LAMA3: variants seen among roughly 807,000 people sequenced by gnomAD.
The protein encoded by LAMA3 is laminin subunit alpha-3.
A neutral mutation model predicts 402.0 loss-of-function variants in LAMA3; 281 were observed. The observed-to-expected ratio is 0.70, with a 90% CI of 0.63 to 0.77. LAMA3 has a LOEUF of 0.77. Among genes scored for constraint, LAMA3 ranks in the 30% least tolerant of loss-of-function variants. The pLI, the probability that LAMA3 is intolerant of heterozygous loss-of-function variation, is 0.00. For missense variants in LAMA3, 3,840 were observed against 4,215.5 expected (o/e 0.91, Z 2.47); for synonymous variants, 1,431 against 1,558.4 (o/e 0.92, Z 1.93).
chr18:23,914,501 A>G lies in LAMA3; in HGVS notation c.7421A>G (p.Asp2474Gly). ...LGDREAELQVDQILTKSETKE... is the reference protein window; with the variant it reads ...LGDREAELQVGQILTKSETKE... ...GACCGTGAGGCTGAACTCCAAGTGG[A>G]CCAGATCTTGACCAAGAGTGAGACT... The change falls in exon 57 of 75, where the codon GAC becomes GGC. Residue 2474 changes from aspartate to glycine, a missense_variant. Asp to Gly is a moderately conservative substitution (Grantham distance 94, BLOSUM62 -1). This residue lies in a region of LAMA3 where 891 missense variants were observed against 857.5 expected (regional missense o/e 1.04). Transcript: ENST00000313654. 1 of 1,614,124 alleles carries G rather than the reference A, an allele frequency of 6.2e-7. No individual in the cohort carries two copies. Among genetic ancestry groups the G allele is most frequent in the South Asian group, 1.1e-5 (1 of 91,076 alleles).
intron 32 of LAMA3, among the ~76,000 whole-genome samples, chr18:23,856,231 G>A (rs547066544): frequency 6.6e-6 from 1 of 152,252 alleles, no homozygotes; most frequent in Admixed American, 6.5e-5. Flanking sequence ...GCAGATATTT[G>A]CCAAAGGGAA....
chr18:23,933,679 C>A, intron 66 of LAMA3, 103 bp from the exon 67 acceptor site: 1 of 1,291,116 alleles, frequency 7.7e-7, no homozygotes, highest in Non-Finnish European at 1.1e-6. Context: ...AACCCCTCTT[C>A]ATCCCCAAAA....
intron 1 of LAMA3, chr18:23,710,175 T>TCTC: frequency 1.5e-6 from 1 of 686,938 alleles, no homozygotes; most frequent in Admixed American, 1.8e-5. Context: ...GTGCAGATCT[T>TCTC]TTTTTGTGTG....
At chr18:23,907,729 A>G in intron 53 of LAMA3, 27 bp from the exon 54 acceptor site, 1 of 1,613,932 alleles carries the variant, frequency 6.2e-7, no homozygotes, top group Non-Finnish European at 8.5e-7. Flanking sequence ...TTAGATACTT[A>G]TACCTCCCTA....
chr18:23,719,249 A>C lies in LAMA3; in HGVS notation c.447+5177A>C, dbSNP rs147328025. The stretch of plus-strand genomic sequence containing the variant: ...GTGGTTCATACCTGCAGCCCCAACC[A>C]CTCAGGAGGCAGAGGCACGAGGATC... On this transcript the variant is annotated intron_variant, in intron 2 of 74. Coordinates refer to ENST00000313654, the MANE Select transcript of LAMA3 (RefSeq NM_198129.4). 4.6e-5 allele frequency among the ~76,000 whole-genome samples: 7 copies of C among 152,218 alleles called. No individual in the cohort carries two copies. In the East Asian group the frequency reaches 1.4e-3, roughly 29 times the overall value.
At chr18:23,713,528 C>T (rs1449873885) in intron 1 of LAMA3, among the ~76,000 whole-genome samples, 4 of 152,146 alleles carry the variant, frequency 2.6e-5, no homozygotes, top group South Asian at 4.1e-4. Flanking sequence ...ACCCCAGTGC[C>T]GCACACAGAA....
At chr18:23,830,544 G>A (rs12957321) in intron 23 of LAMA3, among the ~76,000 whole-genome samples, 1 of 152,192 alleles carries the variant, frequency 6.6e-6, no homozygotes, top group East Asian at 1.9e-4. Flanking sequence ...TTAACTTCTC[G>A]GCAGCTTTCG....
chr18:23,824,668 C>A, intron 21 of LAMA3, 103 bp downstream of exon 21: 1 of 1,324,040 alleles, frequency 7.6e-7, no homozygotes, highest in East Asian at 2.3e-5. Flanking sequence ...ATATCACAAT[C>A]ATTGGTGGTT....
chr18:23,912,607 T>C (rs1568334775), intron 55 of LAMA3, 104 bp from the exon 56 acceptor site: 1 of 924,572 alleles, frequency 1.1e-6, no homozygotes, highest in Non-Finnish European at 1.8e-6. Flanking sequence ...TCATAACAAC[T>C]CAGGAAAGGC....
intron 18 of LAMA3, among the ~76,000 whole-genome samples, chr18:23,817,874 A>C (rs966104987): frequency 6.6e-6 from 1 of 152,076 alleles, no homozygotes; most frequent in Non-Finnish European, 1.5e-5. Context: ...GCCTGCATAA[A>C]ACGTTTTCCT....
intron 12 of LAMA3, among the ~76,000 whole-genome samples, chr18:23,801,922 A>G (rs1182196292): frequency 6.6e-6 from 1 of 152,214 alleles, no homozygotes; most frequent in East Asian, 1.9e-4. Context: ...GAAAACAAAG[A>G]TTTTTGTTTT....
chr18:23,953,861 T>G (rs2083016880), intron 74 of LAMA3, among the ~76,000 whole-genome samples: 1 of 152,196 alleles, frequency 6.6e-6, no homozygotes, highest in Non-Finnish European at 1.5e-5. Flanking sequence ...GGGAAGAGCC[T>G]TTTCATTCTT....
rs534024007 is a variant in LAMA3 at position 23,720,941 on chromosome 18, G to A, written c.447+6869G>A. Among the ~76,000 whole-genome samples, 22 of 152,182 alleles carry A rather than the reference G, an allele frequency of 1.4e-4. No homozygotes were observed. The South Asian group carries it at 4.4e-3, about 30-fold the overall frequency. ...GGAGGCCAAGGTGGGAGGATTGCTT[G>A]AGGCCAGGAGTTCAAGATCAGCCTG... On this transcript the variant is annotated intron_variant, in intron 2 of 74. Transcript: ENST00000313654.
intron 54 of LAMA3, among the ~76,000 whole-genome samples, chr18:23,908,933 C>T (rs1452381037): frequency 6.6e-6 from 1 of 152,092 alleles, no homozygotes. Flanking sequence ...TGGAATTTTT[C>T]TTTTTTAATA....
At chr18:23,886,626 A>G (rs76961673) in intron 41 of LAMA3, among the ~76,000 whole-genome samples, 4 of 146,404 alleles carry the variant, frequency 2.7e-5, no homozygotes, top group Non-Finnish European at 4.5e-5. Context: ...TGGGCAACAG[A>G]AAAAAAAAAG....
chr18:23,717,586 T>C (rs1290313583), intron 2 of LAMA3, among the ~76,000 whole-genome samples: 2 of 133,002 alleles, frequency 1.5e-5, no homozygotes, highest in Non-Finnish European at 3.1e-5. Flanking sequence ...AGAGTCTCAC[T>C]CTGTCACCCA....
chr18:23,802,357 G>A (rs1045451188), intron 12 of LAMA3, among the ~76,000 whole-genome samples: 1 of 152,172 alleles, frequency 6.6e-6, no homozygotes, highest in Non-Finnish European at 1.5e-5. Context: ...ACCTGGTGAA[G>A]TGACACAAAT....
chr18:23,813,295 T>C (rs1005609347), intron 14 of LAMA3, among the ~76,000 whole-genome samples, 192 bp downstream of exon 14: 1 of 152,010 alleles, frequency 6.6e-6, no homozygotes, highest in Non-Finnish European at 1.5e-5. Flanking sequence ...AAGAATAAGA[T>C]TTAGTTAAAC....
In LAMA3 at chr18:23,867,886, G is replaced by A. The variant is rs745925733; in HGVS notation, c.4736G>A (p.Arg1579Gln). ...GAGACAAACACCCCACGGCCAGACC[G>A]GCTGCATCATGGACGAGTGCACGTG... Reference protein sequence around the residue: ...YEETNTPRPDRLHHGRVHVVE... With the variant: ...YEETNTPRPDQLHHGRVHVVE... Residue 1579 changes from arginine to glutamine, a missense_variant, in exon 37 of 75, where the codon CGG becomes CAG. By Grantham distance (43) the Arg-to-Gln change is conservative (BLOSUM62 1). This residue lies in a region of LAMA3 where 2,109 missense variants were observed against 2,376.0 expected (regional missense o/e 0.89). Transcript: ENST00000313654. 4.8e-5 allele frequency: 77 copies of A among 1,613,904 alleles called. No homozygotes were observed. The highest frequency in any genetic ancestry group is 6.3e-5 in the Non-Finnish European group (74 of 1,179,956).
Sources: allele counts gnomAD v4.1 joint callset (sites outside exome capture counted in the v4.1 genomes callset), GRCh38; gene constraint gnomAD v4.1.1; regional missense constraint gnomAD v4.1.1; transcripts MANE v1.5; gene names NCBI Gene and HGNC (gene_info 2026-07-23, HGNC 2026-07-21).